Variants in KIF9 observed in about 807,000 individuals in gnomAD.
KIF9 encodes kinesin-like protein KIF9.
In KIF9, 68 loss-of-function variants were observed where a neutral mutation model predicts 94.8. That is an observed-to-expected ratio of 0.72 (90% CI 0.59 to 0.88). KIF9 has a LOEUF of 0.88. Ranked by LOEUF, KIF9 falls within the 40% of genes least tolerant of loss-of-function variation. KIF9 has a pLI of 0.00. For missense variants in KIF9, 882 were observed against 982.5 expected (o/e 0.90, Z 1.37); for synonymous variants, 343 against 362.1 (o/e 0.95, Z 0.60).
At chr3:47,241,718 T>A (rs1699512074) in intron 16 of KIF9, among the ~76,000 whole-genome samples, 1 of 149,040 alleles carries the variant, frequency 6.7e-6, no homozygotes, top group African/African-American at 2.5e-5. Flanking sequence ...CACACACATA[T>A]AAAACATTTT....
Position 47,281,681 on chromosome 3 carries a change from T to A in KIF9, c.-6+814A>T, listed in dbSNP as rs554554819. ...TTCTCCCTCAGGACCTTGTGGGGAA[T>A]GTCTCTCCTTGGGGAACCACCCTTT... is the stretch of plus-strand genomic sequence containing the variant. On this transcript the variant is annotated intron_variant, in intron 1 of 20. Coordinates refer to ENST00000684063, the MANE Select transcript of KIF9 (RefSeq NM_182902.4). 2.8e-3 allele frequency among the ~76,000 whole-genome samples: 429 copies of A among 152,256 alleles called. 2 individuals carry two copies. Among genetic ancestry groups the A allele is most frequent in the Non-Finnish European group, 4.6e-3 (310 of 68,014 alleles).
chr3:47,256,994 C>T (rs1156680247), intron 10 of KIF9, among the ~76,000 whole-genome samples: 2 of 152,102 alleles, frequency 1.3e-5, no homozygotes, highest in African/African-American at 4.8e-5. Flanking sequence ...TACCCGGAGA[C>T]ACAAACACTG....
chr3:47,229,187 C>T (rs567825087), intron 20 of KIF9, among the ~76,000 whole-genome samples: 6 of 152,266 alleles, frequency 3.9e-5, no homozygotes, highest in African/African-American at 4.8e-5. Flanking sequence ...AGCCAGCAAA[C>T]GCTAAAACTA....
chr3:47,246,044 T>TATCC (rs905296972), intron 13 of KIF9, 153 bp downstream of exon 13: 26 of 613,296 alleles, frequency 4.2e-5, no homozygotes, highest in Non-Finnish European at 7.3e-5. Flanking sequence ...ACTCACTGAA[T>TATCC]ATCCACCAGG....
At chr3:47,230,906 C>T (rs374345456) in intron 20 of KIF9, among the ~76,000 whole-genome samples, 13 of 152,192 alleles carry the variant, frequency 8.5e-5, no homozygotes, top group Non-Finnish European at 1.3e-4. Context: ...GGCATGGTGG[C>T]GCATGCCTAT....
intron 9 of KIF9, among the ~76,000 whole-genome samples, chr3:47,261,324 G>A (rs1700958600): frequency 6.6e-6 from 1 of 152,164 alleles, no homozygotes. Context: ...AGTGATGCCT[G>A]GGGGGTCGCA....
chr3:47,274,724 G>A (rs556462459), intron 3 of KIF9, among the ~76,000 whole-genome samples: 1 of 152,326 alleles, frequency 6.6e-6, no homozygotes, highest in Admixed American at 6.5e-5. Flanking sequence ...GTCACAATCA[G>A]AGCATCATGA....
chr3:47,237,795 A>C (rs1228639767), intron 17 of KIF9, among the ~76,000 whole-genome samples: 1 of 152,256 alleles, frequency 6.6e-6, no homozygotes, highest in Admixed American at 6.5e-5. Flanking sequence ...CATTAATGGA[A>C]AAGCAAATGT....
chr3:47,236,291 TCA>T, intron 18 of KIF9, 142 bp from the exon 19 acceptor site: 2 of 1,027,488 alleles, frequency 1.9e-6, no homozygotes, highest in South Asian at 1.5e-5. Context: ...TCTCTGGCCC[TCA>T]CAGTCCTGGG....
intron 15 of KIF9, chr3:47,243,505 G>T: frequency 3.1e-6 from 1 of 325,928 alleles, no homozygotes; most frequent in Admixed American, 4.3e-5. Context: ...GGGAAAAATG[G>T]GTACAATCTC....
At chr3:47,245,369 G>A in intron 14 of KIF9, 52 bp downstream of exon 14, 1 of 1,361,982 alleles carries the variant, frequency 7.3e-7, no homozygotes, top group Admixed American at 1.7e-5. Flanking sequence ...GCAAAGGTCT[G>A]AGGATGGGAA....
At chr3:47,257,172 T>C (rs1236860630) in intron 10 of KIF9, among the ~76,000 whole-genome samples, 1 of 151,642 alleles carries the variant, frequency 6.6e-6, no homozygotes, top group Non-Finnish European at 1.5e-5. Flanking sequence ...TAAAAAAAAT[T>C]ATTGACTGGC....
intron 10 of KIF9, among the ~76,000 whole-genome samples, chr3:47,256,854 T>C (rs1157973870): frequency 6.6e-6 from 1 of 152,194 alleles, no homozygotes; most frequent in Non-Finnish European, 1.5e-5. Flanking sequence ...CCCAACCCTG[T>C]GCTCTCTGAA....
chr3:47,235,616 C>T lies in KIF9; in HGVS notation c.2219G>A (p.Gly740Glu), dbSNP rs539897039. ...GCTGAATTTGTCCTGGTCATCTTCT[C>T]CCTGGGGGAGGACAGTCCCTTTAGC... ...MVPVNRIVSL[G>E]EDDQDKFSQL... Residue 740 changes from glycine to glutamate, a missense_variant and splice_region_variant, in exon 20 of 21, where the codon GGA becomes GAA. Gly to Glu is a moderately conservative substitution (Grantham distance 98). Coordinates refer to ENST00000684063, the MANE Select transcript of KIF9 (RefSeq NM_182902.4). 6.2e-6 allele frequency: 10 copies of T among 1,612,684 alleles called. No homozygotes were observed. The highest frequency in any genetic ancestry group is 1.7e-4 in the Middle Eastern group (1 of 6,024).
intron 2 of KIF9, 64 bp downstream of exon 2, chr3:47,277,218 G>T: frequency 8.1e-7 from 1 of 1,232,098 alleles, no homozygotes; most frequent in Non-Finnish European, 1.2e-6. Flanking sequence ...TGGAAATACG[G>T]TCACACTATA....
chr3:47,261,287 G>C (rs1281174849), intron 9 of KIF9, among the ~76,000 whole-genome samples: 1 of 152,192 alleles, frequency 6.6e-6, no homozygotes, highest in Non-Finnish European at 1.5e-5. Flanking sequence ...GCTCCAAAAT[G>C]GACTCTGGGG....
chr3:47,269,160 C>G (rs1446296365), intron 5 of KIF9, among the ~76,000 whole-genome samples: 1 of 152,244 alleles, frequency 6.6e-6, no homozygotes, highest in Non-Finnish European at 1.5e-5. Flanking sequence ...GCACTATGAT[C>G]ATGCCTGTGA....
chr3:47,242,839 G>T (rs1699667235), intron 16 of KIF9: 1 of 407,446 alleles, frequency 2.5e-6, no homozygotes, highest in East Asian at 3.6e-5. Flanking sequence ...GGTCTAAAAT[G>T]ATTCCATGTT....
intron 20 of KIF9, among the ~76,000 whole-genome samples, chr3:47,234,375 A>T (rs1056267204): frequency 6.6e-6 from 1 of 151,878 alleles, no homozygotes; most frequent in African/African-American, 2.4e-5. Context: ...CTGGGACTAC[A>T]GGAGCATGCT....
Sources: gnomAD v4.1 joint callset for allele counts (sites outside exome capture counted in the v4.1 genomes callset) on GRCh38, gnomAD v4.1.1 for gene constraint, MANE v1.5 for transcripts, NCBI Gene and HGNC (gene_info 2026-07-23, HGNC 2026-07-21) for gene names.